OSGIN1: variants seen among roughly 807,000 people sequenced by gnomAD.
OSGIN1 encodes the protein oxidative stress-induced growth inhibitor 1.
OSGIN1 carries 19 observed loss-of-function variants against 20.1 expected under a neutral mutation model. The ratio of observed to expected loss-of-function variants is 0.95; its 90% CI spans 0.66 to 1.39. OSGIN1 has a LOEUF of 1.39. Ranked by LOEUF, OSGIN1 falls within the 40% of genes most tolerant of loss-of-function variation. The pLI, the probability that OSGIN1 is intolerant of heterozygous loss-of-function variation, is 0.00. For synonymous variants in OSGIN1, 368 were observed against 297.8 expected (o/e 1.24, Z -2.43); for missense variants, 820 against 653.0 (o/e 1.26, Z -2.79).
chr16:83,957,764 G>A, intron 2 of OSGIN1, 26 bp downstream of exon 2: 1 of 1,414,066 alleles, frequency 7.1e-7, no homozygotes, highest in East Asian at 2.6e-5. Flanking sequence ...CAGCCAGGGA[G>A]GGGCTCCGCT....
chr16:83,955,854 G>A (rs946576909), intron 1 of OSGIN1, among the ~76,000 whole-genome samples: 8 of 152,178 alleles, frequency 5.3e-5, no homozygotes, highest in Admixed American at 3.9e-4. Context: ...AAAGGGAGGA[G>A]GAGGTCTTCG....
rs751211662 is a variant in OSGIN1, at chr16:83,965,152, G to T, written c.579G>T (p.Val193=). Residue 193 remains valine, a synonymous_variant, in exon 6 of 6, where the codon GTG becomes GTT. Transcript: ENST00000393306. ...VVKKGLGHNF[V]SGAVVTAVEW... ...AGAAGGGTCTGGGGCATAACTTTGT[G>T]TCCGGTGCTGTAGTCACAGCCGTGG... 1.2e-6 allele frequency: 2 copies of T among 1,613,450 alleles called. No individual in the cohort carries two copies. The highest frequency in any genetic ancestry group is 4.5e-5 in the East Asian group (2 of 44,886).
At position 83,965,948 on chromosome 16, in the gene OSGIN1, G is replaced by A; in HGVS notation, c.1375G>A (p.Gly459Arg). The change falls in exon 6 of 6, where the codon GGG becomes AGG. Residue 459 changes from glycine (G) to arginine (R), a missense_variant. By Grantham distance (125) the Gly-to-Arg change is moderately radical. Coordinates refer to ENST00000393306, the MANE Select transcript of OSGIN1 (RefSeq NM_182981.3). ...GGACAACTTCGTGAGGTTTGTGCAG[G>A]GGGGCGCCTTGGCTGTGGCCAGCTC... is the stretch of plus-strand genomic sequence containing the variant. ...AGDNFVRFVQ[G>R]GALAVASSLL... is the part of the protein sequence containing the mutation. 1.2e-6 allele frequency: 2 copies of A among 1,611,254 alleles called. No homozygotes were observed. Among genetic ancestry groups the A allele is most frequent in the South Asian group, 1.1e-5 (1 of 90,940 alleles).
At chr16:83,959,068 C>A (rs1909075693) in intron 2 of OSGIN1, among the ~76,000 whole-genome samples, 192 bp from the exon 3 acceptor site, 1 of 152,166 alleles carries the variant, frequency 6.6e-6, no homozygotes, top group African/African-American at 2.4e-5. Context: ...AAGCTCTCAG[C>A]AGTTGTTCAT....
chr16:83,957,963 C>A (rs1420423973), intron 2 of OSGIN1, among the ~76,000 whole-genome samples: 1 of 152,110 alleles, frequency 6.6e-6, no homozygotes, highest in Non-Finnish European at 1.5e-5. Context: ...TGCAACCTCT[C>A]CCTCCCGGGC....
At chr16:83,960,820 G>A (rs1314167957) in intron 4 of OSGIN1, 60 bp downstream of exon 4, 1 of 1,562,576 alleles carries the variant, frequency 6.4e-7, no homozygotes, top group East Asian at 2.3e-5. Context: ...CTCCCCACTT[G>A]GGGCTGGGAC....
chr16:83,956,428 G>A (rs1908933007), intron 1 of OSGIN1, among the ~76,000 whole-genome samples: 1 of 152,166 alleles, frequency 6.6e-6, no homozygotes, highest in South Asian at 2.1e-4. Context: ...AGGTGGCCCT[G>A]GGCCCCCACC....
At chr16:83,961,964 CTT>C (rs371517342) in intron 5 of OSGIN1, among the ~76,000 whole-genome samples, 26 of 141,532 alleles carry the variant, frequency 1.8e-4, no homozygotes, top group African/African-American at 4.7e-4. Flanking sequence ...TTTTTCTTTT[CTT>C]TTTTTTTTTT....
chr16:83,953,434 C>T, intron 1 of OSGIN1, 64 bp downstream of exon 1: 1 of 1,264,524 alleles, frequency 7.9e-7, no homozygotes, highest in Non-Finnish European at 1.0e-6. Context: ...CCGTGGCAAG[C>T]CCAGCTGGAC....
intron 5 of OSGIN1, among the ~76,000 whole-genome samples, chr16:83,962,758 A>C (rs968807280): frequency 3.9e-5 from 6 of 152,202 alleles, no homozygotes; most frequent in African/African-American, 1.4e-4. Flanking sequence ...CAGACAGGTG[A>C]GAGACAAACG....
rs372048241 is a variant in OSGIN1 at position 83,959,412 on chromosome 16, G to A, written c.204+16G>A. The A allele has an allele frequency of 3.2e-5, 51 of 1,612,980 alleles. No individual in the cohort carries two copies. In the African/African-American group the frequency reaches 6.1e-4, roughly 19 times the overall value. ...CCTGGACCAGGTGGGTCAGCCTGGG[G>A]CCAGAGCTCTGGGTAGTACATACCC... On this transcript the variant is annotated intron_variant, in intron 3 of 5. Transcript: ENST00000393306.
rs1034228886 is a variant in OSGIN1 at position 83,960,715 on chromosome 16, C to G, written c.351C>G (p.Ile117Met). Reference protein sequence around the residue: ...LTWKHRKEHAIPHVVLGRNLP... With the variant: ...LTWKHRKEHAMPHVVLGRNLP... ...GGAAGCACCGGAAGGAGCACGCCAT[C>G]CCCCACGTGGTTCTGGGCCGGAACC... Residue 117 changes from isoleucine (I) to methionine (M), a missense_variant, in exon 4 of 6, where the codon ATC becomes ATG. Ile to Met is a conservative substitution (Grantham distance 10). Transcript: ENST00000393306. 4 of 1,613,498 alleles carry G rather than the reference C, an allele frequency of 2.5e-6. No homozygotes were observed. The highest frequency in any genetic ancestry group is 3.4e-6 in the Non-Finnish European group (4 of 1,180,024).
intron 1 of OSGIN1, chr16:83,954,700 G>A: frequency 2.1e-6 from 2 of 950,638 alleles, no homozygotes; most frequent in Non-Finnish European, 2.5e-6. Flanking sequence ...TTCTGTTCAA[G>A]AGCCTGAGGA....
chr16:83,955,005 A>G (rs1205145100), intron 1 of OSGIN1, among the ~76,000 whole-genome samples: 3 of 152,068 alleles, frequency 2.0e-5, no homozygotes, highest in African/African-American at 7.2e-5. Context: ...TATCAGTTCC[A>G]TCGCCCACCG....
intron 5 of OSGIN1, among the ~76,000 whole-genome samples, chr16:83,962,463 G>A (rs892941620): frequency 8.5e-5 from 13 of 152,256 alleles, no homozygotes; most frequent in Non-Finnish European, 1.5e-4. Flanking sequence ...GGATGGTCTC[G>A]ATCTCCTGAT....
At chr16:83,960,400 A>T (rs1404062783) in intron 3 of OSGIN1, among the ~76,000 whole-genome samples, 169 bp from the exon 4 acceptor site, 6 of 152,034 alleles carry the variant, frequency 3.9e-5, no homozygotes, top group African/African-American at 1.2e-4. Flanking sequence ...TCCTAGAAAG[A>T]CCTCAAAACG....
chr16:83,962,964 G>A (rs1175727668), intron 5 of OSGIN1, among the ~76,000 whole-genome samples: 3 of 152,114 alleles, frequency 2.0e-5, no homozygotes, highest in Non-Finnish European at 4.4e-5. Flanking sequence ...TTCAATCACT[G>A]AATAAAGGAG....
At chr16:83,954,393 C>T (rs907034) in intron 1 of OSGIN1, 91,674 of 152,152 alleles carry the variant, frequency 0.6, 28,720 homozygotes, top group East Asian at 0.78. Flanking sequence ...AAATTTGAAA[C>T]ATCAATTTTT....
chr16:83,957,737 G>C lies in OSGIN1; in HGVS notation c.66G>C (p.Val22=). ...CAGAGCCCCTCCCGGTCATCATTGT[G>C]GGTGAGTGTCAGGCCCCAGCCAGGG... The part of the protein sequence containing the change: ...SSSEPLPVII[V]GNGPSGICLS... Residue 22 remains valine (V), a splice_region_variant and synonymous_variant, in exon 2 of 6, where the codon GTG becomes GTC. Coordinates refer to ENST00000393306, the MANE Select transcript of OSGIN1 (RefSeq NM_182981.3). The C allele has an allele frequency of 6.3e-7, 1 of 1,581,280 alleles. No individual in the cohort carries two copies. The highest frequency in any genetic ancestry group is 1.3e-5 in the African/African-American group (1 of 74,094).
Sources: gnomAD v4.1 joint callset for allele counts (sites outside exome capture counted in the v4.1 genomes callset) on GRCh38, gnomAD v4.1.1 for gene constraint, MANE v1.5 for transcripts, NCBI Gene and HGNC (gene_info 2026-07-23, HGNC 2026-07-21) for gene names.